RPTOR: variants seen among roughly 807,000 people sequenced by gnomAD.
The protein encoded by RPTOR is regulatory associated protein of MTOR complex 1.
Under a neutral mutation model 169.9 loss-of-function variants are expected in RPTOR, and 21 were observed. The observed-to-expected ratio is 0.12, with a 90% CI of 0.09 to 0.18. The LOEUF is 0.18. Among genes scored for constraint, RPTOR ranks in the 10% least tolerant of loss-of-function variants. The pLI, the probability that RPTOR is intolerant of heterozygous loss-of-function variation, is 1.00. For synonymous variants in RPTOR, 732 were observed against 753.2 expected, an observed-to-expected ratio of 0.97 and a Z score of 0.46; for missense variants, 1,133 against 1,855.9, an observed-to-expected ratio of 0.61 and a Z score of 7.16.
intron 7 of RPTOR, among the ~76,000 whole-genome samples, chr17:80,810,625 G>A (rs879291061): frequency 1.3e-5 from 2 of 152,032 alleles, no homozygotes; most frequent in Admixed American, 1.3e-4. Context: ...CTAGATCCTT[G>A]CATTTCATAT....
At chr17:80,728,774 A>G (rs1237228760) in intron 4 of RPTOR, among the ~76,000 whole-genome samples, 1 of 151,316 alleles carries the variant, frequency 6.6e-6, no homozygotes, top group African/African-American at 2.4e-5. Context: ...TCATCTTGTT[A>G]AATTCCGTGA....
At position 80,707,389 on chromosome 17, in the gene RPTOR, G is replaced by C. The variant is rs923354539; in HGVS notation, c.349-452G>C. ...ATATTTATAACCATCATGTGTGGCA[G>C]TTCTTATGTAGTGTTTTGATTTGTT... On this transcript the variant is annotated intron_variant, in intron 3 of 33. Transcript: ENST00000306801. The surrounding 1 kb of genome is among the most constrained non-coding windows in gnomAD (Gnocchi z 5.0). 6.6e-6 allele frequency among the ~76,000 whole-genome samples: 1 copy of C among 152,114 alleles called. No homozygotes were observed. Among genetic ancestry groups the C allele is most frequent in the Non-Finnish European group, 1.5e-5 (1 of 68,014 alleles).
At chr17:80,833,830 A>C (rs1567938062) in intron 9 of RPTOR, among the ~76,000 whole-genome samples, 1 of 152,178 alleles carries the variant, frequency 6.6e-6, no homozygotes. Flanking sequence ...TCTCTACTAA[A>C]AATACAAAAA....
intron 3 of RPTOR, among the ~76,000 whole-genome samples, chr17:80,696,979 A>C (rs577397755): frequency 1.3e-5 from 2 of 152,292 alleles, no homozygotes; most frequent in East Asian, 3.9e-4. Flanking sequence ...CCCTGGCCCC[A>C]TCACGTAGGG....
chr17:80,880,066 G>T (rs920081837), intron 13 of RPTOR, among the ~76,000 whole-genome samples: 1 of 152,208 alleles, frequency 6.6e-6, no homozygotes, highest in Admixed American at 6.5e-5. Flanking sequence ...GTGCTGGATG[G>T]ATGTGCTCCA....
chr17:80,635,101 T>C (rs1212544995), intron 2 of RPTOR, among the ~76,000 whole-genome samples: 4 of 152,204 alleles, frequency 2.6e-5, no homozygotes, highest in Non-Finnish European at 5.9e-5. Context: ...CTTATTGTAT[T>C]GGCTAATGTG....
intron 4 of RPTOR, among the ~76,000 whole-genome samples, chr17:80,715,440 G>A (rs1426254252): frequency 6.6e-6 from 1 of 152,164 alleles, no homozygotes; most frequent in East Asian, 1.9e-4. Context: ...GCCATGCCAG[G>A]CATTTAATCC....
chr17:80,831,821 G>A (rs1274006829), intron 9 of RPTOR, among the ~76,000 whole-genome samples: 1 of 127,542 alleles, frequency 7.8e-6, no homozygotes, highest in Non-Finnish European at 1.6e-5. Context: ...GTGTCACCAT[G>A]TATCCCTGTG....
At chr17:80,745,159 G>T (rs548874095) in intron 5 of RPTOR, among the ~76,000 whole-genome samples, 1 of 152,350 alleles carries the variant, frequency 6.6e-6, no homozygotes, top group South Asian at 2.1e-4. Flanking sequence ...ATCTCCTTTA[G>T]TTGACTGTGA....
intron 13 of RPTOR, among the ~76,000 whole-genome samples, chr17:80,871,256 C>T (rs1191257962): frequency 2.0e-5 from 3 of 152,190 alleles, no homozygotes; most frequent in Non-Finnish European, 4.4e-5. Flanking sequence ...TAGGCGCCCG[C>T]CACCACGCCC....
intron 5 of RPTOR, among the ~76,000 whole-genome samples, chr17:80,735,757 A>G (rs12601101): frequency 0.18 from 27,173 of 152,138 alleles, 2,863 homozygotes; most frequent in East Asian, 0.24. Flanking sequence ...TGTTCTGCAC[A>G]TAGCCATCTG....
chr17:80,806,140 C>T (rs571045520), intron 7 of RPTOR, among the ~76,000 whole-genome samples: 32 of 152,256 alleles, frequency 2.1e-4, no homozygotes, highest in African/African-American at 6.0e-4. Context: ...TCAGCTTATG[C>T]AGGGGTGGAA....
chr17:80,759,712 G>C (rs2066715687), intron 6 of RPTOR, among the ~76,000 whole-genome samples: 1 of 151,670 alleles, frequency 6.6e-6, no homozygotes, highest in Non-Finnish European at 1.5e-5. Context: ...GAGATAGTTT[G>C]TCAGACAGTA....
intron 19 of RPTOR, 134 bp from the exon 20 acceptor site, chr17:80,893,557 CACCAGGGTGTGTGTGT>C (rs1175331500): frequency 2.1e-5 from 20 of 946,076 alleles, no homozygotes; most frequent in African/African-American, 3.5e-5. Flanking sequence ...GGTGTGTGCG[CACCAGGGTGTGTGTGT>C]ACCAGGGTGT....
At chr17:80,586,872 CT>C in intron 1 of RPTOR, among the ~76,000 whole-genome samples, 1 of 100,982 alleles carries the variant, frequency 9.9e-6, no homozygotes, top group Admixed American at 1.0e-4. Context: ...TGTGTGATAG[CT>C]GTTCCTGTTC....
chr17:80,965,932 C>T lies in RPTOR; in HGVS notation c.*1602C>T, dbSNP rs1025877741. ...CGGGTCCGGAAGGTGTAGAGAGTCC[C>T]GGCCTCACTCAGCTCACAGGGCGTG... On this transcript the variant is annotated 3_prime_UTR_variant, in exon 34 of 34. Coordinates refer to ENST00000306801, the MANE Select transcript of RPTOR (RefSeq NM_020761.3). 9.4e-5 allele frequency: 22 copies of T among 233,256 alleles called. No homozygotes were observed. Among genetic ancestry groups the T allele is most frequent in the East Asian group, 3.6e-4 (6 of 16,606 alleles). The allele number at this position is 233,256 out of a possible 1,614,324, so 14.4% of individuals were successfully genotyped here.
At chr17:80,774,126 G>A (rs1795062568) in intron 6 of RPTOR, 9 of 985,364 alleles carry the variant, frequency 9.1e-6, no homozygotes, top group Non-Finnish European at 1.1e-5. Context: ...TCTCCTGTTG[G>A]TGTGACTCGA....
chr17:80,609,979 G>A lies in RPTOR; in HGVS notation c.163-15712G>A, dbSNP rs2065258594. 6.6e-6 allele frequency among the ~76,000 whole-genome samples: 1 copy of A among 152,122 alleles called. No individual in the cohort carries two copies. The highest frequency in any genetic ancestry group is 2.4e-5 in the African/African-American group (1 of 41,420). On this transcript the variant is annotated intron_variant, in intron 1 of 33. Coordinates refer to ENST00000306801, the MANE Select transcript of RPTOR (RefSeq NM_020761.3). This position sits in a 1 kb window ranked among gnomAD's most constrained non-coding sequence, Gnocchi z 4.8. Reference sequence around the variant, plus strand: ...CTGGAACGAGGCCTTCCAGCAAGTCGGTTCTCACGTCAAGGGCATGTCCTG... The same window carrying A: ...CTGGAACGAGGCCTTCCAGCAAGTCAGTTCTCACGTCAAGGGCATGTCCTG...
intron 24 of RPTOR, among the ~76,000 whole-genome samples, chr17:80,927,364 G>A (rs1567991602): frequency 6.6e-6 from 1 of 152,132 alleles, no homozygotes. Flanking sequence ...TGTACATGTT[G>A]GTAATTTCTT....
Sources: gnomAD v4.1 joint callset for allele counts (sites outside exome capture counted in the v4.1 genomes callset) on GRCh38, gnomAD v4.1.1 for gene constraint, Gnocchi (gnomAD v3.1) non-coding constraint, MANE v1.5 for transcripts, NCBI Gene and HGNC (gene_info 2026-07-23, HGNC 2026-07-21) for gene names.